The following LCT variants were observed in gnomAD, a reference collection of about 807,000 sequenced individuals.
LCT encodes the protein lactase.
LCT carries 90 observed loss-of-function variants against 173.0 expected under a neutral mutation model. The ratio of observed to expected loss-of-function variants is 0.52; its 90% CI spans 0.44 to 0.62. The LOEUF (loss-of-function observed/expected upper bound fraction) is 0.62. LCT is among the 20% of genes least tolerant of loss of function. LCT has a pLI of 0.00. For synonymous variants in LCT, 853 were observed against 957.6 expected, an observed-to-expected ratio of 0.89 and a Z score of 2.02; for missense variants, 1,864 against 2,431.4, an observed-to-expected ratio of 0.77 and a Z score of 4.91.
At position 135,822,049 on chromosome 2, in the gene LCT, A is replaced by C; in HGVS notation, c.957T>G (p.Phe319Leu). The change falls in exon 5 of 17, where the codon TTT becomes TTG. Residue 319 changes from phenylalanine (F) to leucine (L), a missense_variant. Coordinates refer to ENST00000264162, the MANE Select transcript of LCT (RefSeq NM_002299.4). ...VLTIGFDINE[F>L]LSCSSSSKKS... ...TCTTGGAACTTGATGAACAACTCAG[A>C]AACTCATTAATATCAAACCCAATGG... is the stretch of plus-strand genomic sequence containing the variant. 6.2e-7 allele frequency: 1 copy of C among 1,609,398 alleles called. No individual in the cohort carries two copies. Among genetic ancestry groups the C allele is most frequent in the Non-Finnish European group, 8.5e-7 (1 of 1,175,616 alleles).
chr2:135,813,713 C>T (rs1024818318), intron 6 of LCT, among the ~76,000 whole-genome samples: 4 of 152,244 alleles, frequency 2.6e-5, no homozygotes, highest in African/African-American at 9.6e-5. Context: ...TATTCTGCCT[C>T]TGTCCTTAAT....
intron 11 of LCT, among the ~76,000 whole-genome samples, chr2:135,801,287 T>A (rs1194899094): frequency 2.6e-5 from 4 of 152,198 alleles, no homozygotes; most frequent in Non-Finnish European, 5.9e-5. Flanking sequence ...AGTGTGACAT[T>A]GCAGCCCAGC....
intron 13 of LCT, among the ~76,000 whole-genome samples, chr2:135,796,507 T>C (rs924768598): frequency 6.6e-6 from 1 of 152,132 alleles, no homozygotes; most frequent in African/African-American, 2.4e-5. Context: ...CATTCTTACC[T>C]CTAGGCCTGT....
chr2:135,809,011 G>A lies in LCT; in HGVS notation c.3336C>T (p.Tyr1112=), dbSNP rs766387909. 2.5e-6 allele frequency: 4 copies of A among 1,611,508 alleles called. No homozygotes were observed. Among genetic ancestry groups the A allele is most frequent in the African/African-American group, 1.3e-5 (1 of 74,956 alleles). Residue 1112 remains tyrosine, a synonymous_variant, in exon 8 of 17, where the codon TAC becomes TAT. Coordinates refer to ENST00000264162, the MANE Select transcript of LCT (RefSeq NM_002299.4). This position sits in a 1 kb window ranked among gnomAD's most constrained non-coding sequence, Gnocchi z 5.5. ...AGATGACCCCCTTCTGCTCCTGCCT[G>A]TATTTCTCATCGTACGTGTGATAGA... is the stretch of plus-strand genomic sequence containing the variant. ...ARVYHTYDEK[Y]RQEQKGVISL...
chr2:135,815,135 C>T (rs931965223), intron 6 of LCT, among the ~76,000 whole-genome samples: 1 of 152,172 alleles, frequency 6.6e-6, no homozygotes, highest in Non-Finnish European at 1.5e-5. Context: ...CTTGGACTTC[C>T]CCAGCTCCAG....
intron 6 of LCT, among the ~76,000 whole-genome samples, chr2:135,816,252 C>G (rs572155731): frequency 6.6e-6 from 1 of 152,324 alleles, no homozygotes; most frequent in East Asian, 1.9e-4. Flanking sequence ...CCCTCTCTGC[C>G]TCCTCAGCTC....
chr2:135,831,477 A>C (rs2077938532), intron 2 of LCT, among the ~76,000 whole-genome samples: 1 of 152,218 alleles, frequency 6.6e-6, no homozygotes, highest in African/African-American at 2.4e-5. Flanking sequence ...GTAACTGGTC[A>C]GAACTGTGCT....
At chr2:135,803,031 G>T (rs1275552465) in intron 11 of LCT, among the ~76,000 whole-genome samples, 1 of 152,158 alleles carries the variant, frequency 6.6e-6, no homozygotes, top group African/African-American at 2.4e-5. Context: ...AGAATTGCTT[G>T]AGCCCAGGAG....
chr2:135,812,767 G>T lies in LCT; in HGVS notation c.1897C>A (p.His633Asn). The change falls in exon 7 of 17, where the codon CAC (histidine) becomes AAC (asparagine). Residue 633 changes from histidine to asparagine, a missense_variant. Around this residue, in one of 4 missense-constraint regions of LCT, gnomAD observed 755 missense variants for 926.3 expected, o/e 0.82. Coordinates refer to ENST00000264162, the MANE Select transcript of LCT (RefSeq NM_002299.4). The part of the protein sequence containing the change: ...FLHFMLGWFA[H>N]PVFVDGDYPA... The stretch of plus-strand genomic sequence containing the variant: ...TAGTCTCCATCCACAAAGACGGGGT[G>T]TGCAAACCAGCCCAGCATGAAGTGC... 6.2e-7 allele frequency: 1 copy of T among 1,614,188 alleles called. No homozygotes were observed. Among genetic ancestry groups the T allele is most frequent in the Non-Finnish European group, 8.5e-7 (1 of 1,180,038 alleles).
intron 8 of LCT, 118 bp from the exon 9 acceptor site, chr2:135,807,514 C>T (rs2077687199): frequency 1.1e-6 from 1 of 900,516 alleles, no homozygotes; most frequent in Admixed American, 1.8e-5. Context: ...TGACATACAC[C>T]CTGAGAGACC....
intron 3 of LCT, among the ~76,000 whole-genome samples, chr2:135,827,180 T>C (rs535877258): frequency 2.0e-5 from 3 of 152,298 alleles, no homozygotes; most frequent in Admixed American, 1.3e-4. Flanking sequence ...GGTTTCGCCA[T>C]GTTGGGCAGG....
At chr2:135,794,386 T>A in intron 14 of LCT, 2 of 468,744 alleles carry the variant, frequency 4.3e-6, no homozygotes, top group South Asian at 3.5e-5. Context: ...AAATAAATTT[T>A]AAAAATGAAA....
chr2:135,815,829 A>C (rs1274124335), intron 6 of LCT, among the ~76,000 whole-genome samples: 1 of 151,916 alleles, frequency 6.6e-6, no homozygotes, highest in Non-Finnish European at 1.5e-5. Context: ...CCTCCCAAGT[A>C]GATGGGATTA....
At chr2:135,807,574 A>G (rs2077687818) in intron 8 of LCT, among the ~76,000 whole-genome samples, 178 bp from the exon 9 acceptor site, 2 of 152,202 alleles carry the variant, frequency 1.3e-5, no homozygotes, top group African/African-American at 4.8e-5. Context: ...ATGACCCCAC[A>G]GCAAGCATTA....
chr2:135,789,745 T>C lies in LCT; in HGVS notation c.5389A>G (p.Asn1797Asp). 1 of 1,614,204 alleles carries C rather than the reference T, an allele frequency of 6.2e-7. No homozygotes were observed. Among genetic ancestry groups the C allele is most frequent in the Non-Finnish European group, 8.5e-7 (1 of 1,180,028 alleles). Residue 1797 changes from asparagine (N) to aspartate (D), a missense_variant, in exon 16 of 17, where the codon AAT becomes GAT. This residue lies in a region of LCT where 514 missense variants were observed against 750.1 expected (regional missense o/e 0.69). Coordinates refer to ENST00000264162, the MANE Select transcript of LCT (RefSeq NM_002299.4). ...GAAAAGCCTGTGGCCCACTCAAAAT[T>C]GTCCATCGCACTCCAAACTGTGTAT... ...RGYTVWSAMDNFEWATGFSER... is the reference protein window; with the variant it reads ...RGYTVWSAMDDFEWATGFSER...
intron 9 of LCT, among the ~76,000 whole-genome samples, chr2:135,805,853 A>G (rs2105530189): frequency 6.6e-6 from 1 of 152,272 alleles, no homozygotes; most frequent in East Asian, 1.9e-4. Flanking sequence ...CATGTCAATA[A>G]ATCTACCGTA....
chr2:135,828,586 C>T (rs1345980236), intron 3 of LCT, among the ~76,000 whole-genome samples: 1 of 152,144 alleles, frequency 6.6e-6, no homozygotes, highest in Non-Finnish European at 1.5e-5. Context: ...TGCCAGCACT[C>T]GGAAGGTGCA....
At chr2:135,797,664 G>A (rs1313004997) in intron 13 of LCT, among the ~76,000 whole-genome samples, 1 of 152,154 alleles carries the variant, frequency 6.6e-6, no homozygotes, top group Non-Finnish European at 1.5e-5. Flanking sequence ...GCAGACCATC[G>A]CCACCTGCTG....
chr2:135,808,634 G>A lies in LCT; in HGVS notation c.3713C>T (p.Pro1238Leu). 1 of 1,614,218 alleles carries A rather than the reference G, an allele frequency of 6.2e-7. No individual in the cohort carries two copies. ...GTTCATTGCCGTGGAAGGCCACGAA[G>A]GGTCCTCCTCCTCAGCCATCTCCTG... ...DDQEMAEEEDPSWPSTAMNRA... is the reference protein window; with the variant it reads ...DDQEMAEEEDLSWPSTAMNRA... Residue 1238 changes from proline to leucine, a missense_variant, in exon 8 of 17, where the codon CCT becomes CTT. Around this residue, in one of 4 missense-constraint regions of LCT, gnomAD observed 755 missense variants for 926.3 expected, o/e 0.82. Transcript: ENST00000264162.
Sources: allele counts gnomAD v4.1 joint callset (sites outside exome capture counted in the v4.1 genomes callset), GRCh38; gene constraint gnomAD v4.1.1; regional missense constraint gnomAD v4.1.1; non-coding constraint Gnocchi (gnomAD v3.1); transcripts MANE v1.5; gene names NCBI Gene and HGNC (gene_info 2026-07-23, HGNC 2026-07-21).